Variants in MYO1H observed in about 807,000 individuals in gnomAD.
The protein encoded by MYO1H is unconventional myosin-Ih.
A neutral mutation model predicts 149.3 loss-of-function variants in MYO1H; 118 were observed. The ratio of observed to expected loss-of-function variants is 0.79; its 90% CI spans 0.68 to 0.92. The LOEUF is 0.92. Among genes scored for constraint, MYO1H ranks in the 40% least tolerant of loss-of-function variants. MYO1H has a pLI of 0.00. For missense variants in MYO1H, 1,212 were observed against 1,280.7 expected, an observed-to-expected ratio of 0.95 and a Z score of 0.82; for synonymous variants, 447 against 465.2, an observed-to-expected ratio of 0.96 and a Z score of 0.50.
chr12:109,383,100 G>A (rs1439316703), intron 1 of MYO1H, among the ~76,000 whole-genome samples: 1 of 152,076 alleles, frequency 6.6e-6, no homozygotes, highest in Non-Finnish European at 1.5e-5. Flanking sequence ...CCATGTTTCT[G>A]TGGGGCAACC....
chr12:109,373,989 A>G (rs775135028), intron 1 of MYO1H, among the ~76,000 whole-genome samples: 8 of 152,142 alleles, frequency 5.3e-5, no homozygotes, highest in Non-Finnish European at 1.0e-4. Flanking sequence ...TCTGTCTCAA[A>G]GAAAGCAATA....
chr12:109,391,840 T>C (rs138547763), intron 2 of MYO1H, among the ~76,000 whole-genome samples: 234 of 152,350 alleles, frequency 1.5e-3, no homozygotes, highest in African/African-American at 5.3e-3. Flanking sequence ...TTTCATATGA[T>C]TGTTGGCTGC....
intron 1 of MYO1H, among the ~76,000 whole-genome samples, chr12:109,361,372 G>A (rs926005959): frequency 6.6e-6 from 1 of 151,958 alleles, no homozygotes; most frequent in African/African-American, 2.4e-5. Flanking sequence ...TTGGATTTTC[G>A]TGACTCGTTT....
At chr12:109,419,983 G>C (rs1871104285) in intron 15 of MYO1H, among the ~76,000 whole-genome samples, 1 of 152,104 alleles carries the variant, frequency 6.6e-6, no homozygotes, top group Non-Finnish European at 1.5e-5. Flanking sequence ...TTTAAACCTG[G>C]AAATGACATG....
chr12:109,431,344 C>A (rs902522282), intron 19 of MYO1H, among the ~76,000 whole-genome samples: 2 of 152,112 alleles, frequency 1.3e-5, no homozygotes, highest in Non-Finnish European at 2.9e-5. Flanking sequence ...TGTGCCACTG[C>A]ACTCCAGCCT....
chr12:109,391,743 A>G (rs1279343736), intron 2 of MYO1H, among the ~76,000 whole-genome samples: 3 of 152,082 alleles, frequency 2.0e-5, no homozygotes, highest in African/African-American at 4.8e-5. Context: ...TTTACTTTTT[A>G]ATAATCGCCA....
chr12:109,347,957 C>G (rs140491823), exon 1 of MYO1H: 219 of 399,020 alleles, frequency 5.5e-4, no homozygotes, highest in African/African-American at 4.2e-3. Context: ...TCCCTCTGTG[C>G]GTGATGGAAT....
intron 1 of MYO1H, among the ~76,000 whole-genome samples, chr12:109,371,677 A>G (rs950520845): frequency 3.3e-5 from 5 of 152,214 alleles, no homozygotes; most frequent in Non-Finnish European, 5.9e-5. Flanking sequence ...TAGAGGATAA[A>G]TATCTACAAA....
intron 15 of MYO1H, among the ~76,000 whole-genome samples, chr12:109,419,187 T>TAC (rs59471788): frequency 0.027 from 4,009 of 148,714 alleles, 87 homozygotes; most frequent in African/African-American, 0.061. Context: ...TATGTGAGGA[T>TAC]ACACACACAC....
At chr12:109,411,825 G>A (rs1870689040) in intron 13 of MYO1H, 69 bp from the exon 14 acceptor site, 1 of 1,132,436 alleles carries the variant, frequency 8.8e-7, no homozygotes, top group Admixed American at 2.3e-5. Context: ...TCCAGCTGGT[G>A]AAAGCATTTA....
At chr12:109,347,681 A>C (rs1868365219), upstream of MYO1H, among the ~76,000 whole-genome samples, 1 of 151,960 alleles carries the variant, frequency 6.6e-6, no homozygotes, top group Admixed American at 6.6e-5. Context: ...ATAAGCAACT[A>C]ATCAAAGATC....
chr12:109,335,948 T>G, the MYO1H span, among the ~76,000 whole-genome samples: 1 of 152,192 alleles, frequency 6.6e-6, no homozygotes, highest in Admixed American at 6.6e-5. Context: ...CCATTAGATT[T>G]TCTAAGCACA....
chr12:109,409,225 T>TTCTTCTTCTTCTTCTTCTTCTTCTTC (rs1566031713), intron 10 of MYO1H, among the ~76,000 whole-genome samples: 13 of 105,094 alleles, frequency 1.2e-4, no homozygotes, highest in Admixed American at 1.1e-4. Context: ...CCTTCTTCTT[T>TTCTTCTTCTTCTTCTTCTTCTTCTTC]TTCTTCTTCT....
At chr12:109,351,807 A>G (rs1868465703) in intron 1 of MYO1H, among the ~76,000 whole-genome samples, 1 of 152,186 alleles carries the variant, frequency 6.6e-6, no homozygotes, top group African/African-American at 2.4e-5. Flanking sequence ...AATGTTTCTA[A>G]TAGTAGTTTT....
chr12:109,383,085 C>T (rs1341817984), intron 1 of MYO1H, among the ~76,000 whole-genome samples: 2 of 152,054 alleles, frequency 1.3e-5, no homozygotes, highest in Non-Finnish European at 2.9e-5. Context: ...TCCCCAGAAC[C>T]TCTCCCATGT....
intron 14 of MYO1H, among the ~76,000 whole-genome samples, chr12:109,414,807 A>C (rs1323838401): frequency 6.6e-6 from 1 of 152,070 alleles, no homozygotes; most frequent in Non-Finnish European, 1.5e-5. Flanking sequence ...TCCTGGGCTC[A>C]AGCAATCCTC....
intron 31 of MYO1H, chr12:109,446,559 T>C (rs1022633135): frequency 2.4e-5 from 15 of 612,664 alleles, no homozygotes; most frequent in Non-Finnish European, 3.1e-5. Flanking sequence ...AGGTCAGGAG[T>C]TCGAGACCAG....
intron 1 of MYO1H, among the ~76,000 whole-genome samples, chr12:109,374,168 C>T (rs921748065): frequency 4.6e-5 from 7 of 152,196 alleles, no homozygotes; most frequent in African/African-American, 7.2e-5. Context: ...CTGAATTAAA[C>T]ATTTTTGTTG....
Position 109,388,762 on chromosome 12 carries a change from AT to A in MYO1H, c.96del (p.Phe32LeufsTer37), listed in dbSNP as rs745372058. 1.2e-5 allele frequency: 19 copies of A among 1,612,966 alleles called. No individual in the cohort carries two copies. In the African/African-American group the frequency reaches 2.4e-4, roughly 20 times the overall value. On this transcript the variant is annotated frameshift_variant, in exon 2 of 32. Transcript: ENST00000310903. LOFTEE classifies it high-confidence loss of function. Reference sequence around the variant, plus strand: ...GCCCGGGACAAGGTCGGGGTTCAGGATTTTGTGCTATTGGACGCGTACACCA... The same window carrying A: ...GCCCGGGACAAGGTCGGGGTTCAGGATTTGTGCTATTGGACGCGTACACCA...
Sources: gnomAD v4.1 joint callset for allele counts (sites outside exome capture counted in the v4.1 genomes callset) on GRCh38, gnomAD v4.1.1 for gene constraint, MANE v1.5 for transcripts, NCBI Gene and HGNC (gene_info 2026-07-23, HGNC 2026-07-21) for gene names.